Variants in LRRC38 observed in about 807,000 individuals in gnomAD.
The protein encoded by LRRC38 is leucine-rich repeat-containing protein 38.
Under a neutral mutation model 16.4 loss-of-function variants are expected in LRRC38, and 5 were observed. That is an observed-to-expected ratio of 0.31 (90% CI 0.16 to 0.64). LRRC38 has a LOEUF of 0.64. LRRC38 is among the 30% of genes least tolerant of loss of function. LRRC38 has a pLI of 0.80. For synonymous variants in LRRC38, 191 were observed against 190.2 expected (o/e 1.00, Z -0.04); for missense variants, 341 against 401.8 (o/e 0.85, Z 1.29).
intron 1 of LRRC38, among the ~76,000 whole-genome samples, chr1:13,498,191 C>T (rs947721071): frequency 2.0e-5 from 3 of 151,882 alleles, no homozygotes; most frequent in Non-Finnish European, 4.4e-5. Context: ...GGGAGAGGAG[C>T]CTGCTCTGGG....
intron 1 of LRRC38, among the ~76,000 whole-genome samples, chr1:13,510,944 G>A (rs1333480766): frequency 6.6e-6 from 1 of 152,198 alleles, no homozygotes; most frequent in Non-Finnish European, 1.5e-5. Context: ...ATACTCTCGG[G>A]CCACACAGCA....
At chr1:13,477,635 C>T (rs748666680) in intron 1 of LRRC38, among the ~76,000 whole-genome samples, 13 of 152,010 alleles carry the variant, frequency 8.6e-5, no homozygotes, top group Non-Finnish European at 1.6e-4. Context: ...CTCAGGAGTT[C>T]GAGACCAGCC....
chr1:13,485,536 T>C (rs439266), intron 1 of LRRC38, among the ~76,000 whole-genome samples: 16,812 of 151,552 alleles, frequency 0.11, 3,111 homozygotes, highest in African/African-American at 0.38. Flanking sequence ...CCGCTGTACT[T>C]CAGCCTGGGC....
At chr1:13,504,736 G>A (rs1385934692) in intron 1 of LRRC38, among the ~76,000 whole-genome samples, 29 of 107,118 alleles carry the variant, frequency 2.7e-4, no homozygotes, top group African/African-American at 1.2e-3. Flanking sequence ...GGGGAGGGGA[G>A]GGGAAGGGAG....
intron 1 of LRRC38, among the ~76,000 whole-genome samples, chr1:13,504,853 AAAG>A (rs1363621523): frequency 1.5e-5 from 2 of 132,612 alleles, no homozygotes; most frequent in Non-Finnish European, 3.0e-5. Flanking sequence ...AAAGAAAAGA[AAAG>A]AAAAAAGAAA....
chr1:13,505,347 A>G (rs1000565462), intron 1 of LRRC38, among the ~76,000 whole-genome samples: 5 of 152,232 alleles, frequency 3.3e-5, no homozygotes, highest in African/African-American at 1.2e-4. Context: ...ACAACAACCC[A>G]ACCTAGGAAA....
chr1:13,502,449 C>T (rs887180792), intron 1 of LRRC38, among the ~76,000 whole-genome samples: 17 of 152,174 alleles, frequency 1.1e-4, no homozygotes, highest in African/African-American at 3.4e-4. Context: ...GTTCCTCACC[C>T]GCTCACCACC....
rs79446146 is a variant in LRRC38, at chr1:13,483,570, C to A, written c.632-7471G>T. ...GCATCCAGGGAGCACAGCTTCTGGA[C>A]ACCCTTGTCAGAAGGGCTCCCTGGA... On this transcript the variant is annotated intron_variant, in intron 1 of 1. Transcript: ENST00000376085. Among the ~76,000 whole-genome samples the A allele has an allele frequency of 2.4e-4, 36 of 152,234 alleles. No homozygotes were observed. The East Asian group carries it at 6.4e-3, about 27-fold the overall frequency.
intron 1 of LRRC38, among the ~76,000 whole-genome samples, chr1:13,492,158 T>C (rs1207626293): frequency 6.6e-6 from 1 of 152,184 alleles, no homozygotes; most frequent in Non-Finnish European, 1.5e-5. Context: ...TATTCTACTT[T>C]CTCTTCTGTG....
chr1:13,476,594 G>T (rs553230915), intron 1 of LRRC38, among the ~76,000 whole-genome samples: 1 of 152,290 alleles, frequency 6.6e-6, no homozygotes, highest in South Asian at 2.1e-4. Flanking sequence ...CTCTGAAAGT[G>T]CTGGGATTAC....
At chr1:13,488,724 T>C in intron 1 of LRRC38, among the ~76,000 whole-genome samples, 1 of 152,172 alleles carries the variant, frequency 6.6e-6, no homozygotes, top group East Asian at 1.9e-4. Flanking sequence ...TAGTTTGCAT[T>C]TATCTGATTA....
In LRRC38 at chr1:13,513,583, C is replaced by A; in HGVS notation, c.11G>T (p.Arg4Leu). 1 of 1,177,812 alleles carries A rather than the reference C, an allele frequency of 8.5e-7. No individual in the cohort carries two copies. Among genetic ancestry groups the A allele is most frequent in the Non-Finnish European group, 1.0e-6 (1 of 953,968 alleles). 73.0% of individuals were successfully genotyped at this position (1,177,812 alleles called of 1,614,324 possible). A position where few individuals can be genotyped will look rare whatever the true frequency, so the allele number is the denominator to read the frequency against. The change falls in exon 1 of 2, where the codon CGA becomes CTA. Residue 4 changes from arginine to leucine, a missense_variant. Physicochemically the swap from Arg to Leu is moderately radical, Grantham distance 102. Transcript: ENST00000376085. MRP[R>L]APACAAAALG... ...CGCCGCGGCGGCGCAGGCTGGGGCT[C>A]GGGGGCGCATGGCCGGGGGGCCCGC... is the stretch of plus-strand genomic sequence containing the variant.
At position 13,481,617 on chromosome 1, in the gene LRRC38, C is replaced by A. The variant is rs2999889; in HGVS notation, c.632-5518G>T. ...TCACCGTGTTAGCCAGGATTGTCTCCACCTCCTGACCTTGTGATCCGCCCG... is the reference window on the plus strand; with the variant it reads ...TCACCGTGTTAGCCAGGATTGTCTCAACCTCCTGACCTTGTGATCCGCCCG... On this transcript the variant is annotated intron_variant, in intron 1 of 1. Coordinates refer to ENST00000376085, the MANE Select transcript of LRRC38 (RefSeq NM_001010847.2). 1.1e-4 allele frequency among the ~76,000 whole-genome samples: 17 copies of A among 151,478 alleles called. No individual in the cohort carries two copies. The South Asian group carries it at 3.0e-3, about 26-fold the overall frequency.
At position 13,513,588 on chromosome 1, in the gene LRRC38, G is replaced by C; in HGVS notation, c.6C>G (p.Arg2=). Reference sequence around the variant, plus strand: ...CGGCGGCGCAGGCTGGGGCTCGGGGGCGCATGGCCGGGGGGCCCGCGCCGG... The same window carrying C: ...CGGCGGCGCAGGCTGGGGCTCGGGGCCGCATGGCCGGGGGGCCCGCGCCGG... The part of the protein sequence containing the change: M[R]PRAPACAAAA... The change falls in exon 1 of 2, where the codon CGC becomes CGG. Residue 2 remains arginine, a synonymous_variant. Transcript: ENST00000376085. 2 of 1,158,630 alleles carry C rather than the reference G, an allele frequency of 1.7e-6. No homozygotes were observed. The highest frequency in any genetic ancestry group is 2.1e-6 in the Non-Finnish European group (2 of 941,824). The allele number at this position is 1,158,630 out of a possible 1,614,324, so 71.8% of individuals were successfully genotyped here.
At chr1:13,499,663 G>A (rs1485018398) in intron 1 of LRRC38, among the ~76,000 whole-genome samples, 2 of 152,146 alleles carry the variant, frequency 1.3e-5, no homozygotes, top group African/African-American at 4.8e-5. Context: ...GGATAGTGCG[G>A]TACCCCAGGG....
chr1:13,505,936 C>CCGTCTGGGCTGTGGGAGGGAGCT (rs77952546), intron 1 of LRRC38, among the ~76,000 whole-genome samples: 43,784 of 148,968 alleles, frequency 0.29, 7,871 homozygotes, highest in East Asian at 0.79. Context: ...AAGGAGGGGC[C>CCGTCTGGGCTGTGGGAGGGAGCT]CGTCTGGGCT....
At chr1:13,512,774 G>A (rs1639288240) in intron 1 of LRRC38, among the ~76,000 whole-genome samples, 189 bp downstream of exon 1, 1 of 152,128 alleles carries the variant, frequency 6.6e-6, no homozygotes, top group African/African-American at 2.4e-5. Flanking sequence ...TCAGGGTTCA[G>A]AAACTCCAAA....
Position 13,484,560 on chromosome 1 carries a change from C to T in LRRC38, c.632-8461G>A, listed in dbSNP as rs76693800. Among the ~76,000 whole-genome samples, 845 of 152,314 alleles carry T rather than the reference C, an allele frequency of 5.5e-3. 10 individuals carry two copies. Among genetic ancestry groups the T allele is most frequent in the African/African-American group, 0.02 (821 of 41,568 alleles). On this transcript the variant is annotated intron_variant, in intron 1 of 1. Coordinates refer to ENST00000376085, the MANE Select transcript of LRRC38 (RefSeq NM_001010847.2). Reference sequence around the variant, plus strand: ...TCCCCAGAGGCCGATGGTGCTGGACCGGCACAGGCCCCTGCCTTCTAGGAC... The same window carrying T: ...TCCCCAGAGGCCGATGGTGCTGGACTGGCACAGGCCCCTGCCTTCTAGGAC...
At chr1:13,505,289 A>G (rs974603213) in intron 1 of LRRC38, among the ~76,000 whole-genome samples, 1 of 152,180 alleles carries the variant, frequency 6.6e-6, no homozygotes, top group Non-Finnish European at 1.5e-5. Context: ...TCCCTCCTGC[A>G]TAGCAGGAGC....
Sources: allele counts gnomAD v4.1 joint callset (sites outside exome capture counted in the v4.1 genomes callset), GRCh38; gene constraint gnomAD v4.1.1; transcripts MANE v1.5; gene names NCBI Gene and HGNC (gene_info 2026-07-23, HGNC 2026-07-21).